Variants in VAV2 observed in about 807,000 individuals in gnomAD.
VAV2 encodes the protein vav guanine nucleotide exchange factor 2.
Under a neutral mutation model 132.5 loss-of-function variants are expected in VAV2, and 67 were observed. The ratio of observed to expected loss-of-function variants is 0.51; its 90% CI spans 0.42 to 0.62. The LOEUF is 0.62. VAV2 is among the 20% of genes least tolerant of loss of function. The probability of loss-of-function intolerance (pLI) is 0.00; values close to 1 mark genes in which losing one functional copy is unlikely to be tolerated. For missense variants in VAV2, 938 were observed against 1,153.6 expected (o/e 0.81, Z 2.71); for synonymous variants, 492 against 443.5 (o/e 1.11, Z -1.37).
intron 1 of VAV2, among the ~76,000 whole-genome samples, chr9:133,960,023 C>T (rs964182480): frequency 6.6e-6 from 1 of 152,234 alleles, no homozygotes; most frequent in Non-Finnish European, 1.5e-5. Flanking sequence ...CAGTGAGAGC[C>T]GGGAACACGG....
intron 3 of VAV2, among the ~76,000 whole-genome samples, chr9:133,836,964 A>T (rs116226660): frequency 0.011 from 1,659 of 152,272 alleles, 23 homozygotes; most frequent in African/African-American, 0.038. Context: ...TGGGACTCAG[A>T]CAGAACCCAC....
chr9:133,788,226 A>ACCCCCCCCCC lies in VAV2; in HGVS notation c.1407+127_1407+128insGGGGGGGGGG. 3 of 373,886 alleles carry ACCCCCCCCCC rather than the reference A, an allele frequency of 8.0e-6. No individual in the cohort carries two copies. The highest frequency in any genetic ancestry group is 1.6e-5 in the Non-Finnish European group (3 of 183,796). 23.2% of individuals were successfully genotyped at this position (373,886 alleles called of 1,614,324 possible). ...GCCTTCCTGCAGAGCGGAGACGCCC[A>ACCCCCCCCCC]CCCCAACCCACCCGGCCAGCATCAG... On this transcript the variant is annotated intron_variant, in intron 15 of 29. Transcript: ENST00000371850. This position sits in a 1 kb window ranked among gnomAD's most constrained non-coding sequence, Gnocchi z 5.3.
intron 3 of VAV2, among the ~76,000 whole-genome samples, chr9:133,837,757 G>A (rs1456956227): frequency 6.6e-6 from 1 of 150,962 alleles, no homozygotes; most frequent in Non-Finnish European, 1.5e-5. Context: ...CTTGAGCTAT[G>A]ATTGTCGTAA....
chr9:133,943,064 G>C (rs377486732), intron 1 of VAV2, among the ~76,000 whole-genome samples: 1 of 152,382 alleles, frequency 6.6e-6, no homozygotes, highest in South Asian at 2.1e-4. Context: ...GTGGGCACCT[G>C]ACCAGAGGGC....
intron 2 of VAV2, among the ~76,000 whole-genome samples, chr9:133,866,532 G>A (rs921516181): frequency 9.2e-5 from 14 of 152,050 alleles, no homozygotes; most frequent in African/African-American, 3.4e-4. Flanking sequence ...GGCCAGGCGC[G>A]GTGGCTCACG....
intron 1 of VAV2, among the ~76,000 whole-genome samples, chr9:133,980,216 G>A (rs1041843808): frequency 1.3e-5 from 2 of 152,190 alleles, no homozygotes; most frequent in East Asian, 1.9e-4. Flanking sequence ...CCGGTGGAGG[G>A]GGGAAGTGAA....
intron 1 of VAV2, among the ~76,000 whole-genome samples, chr9:133,944,759 G>C (rs1367776508): frequency 6.6e-6 from 1 of 152,274 alleles, no homozygotes; most frequent in African/African-American, 2.4e-5. Context: ...CGTCAAGGCA[G>C]GTGCCACACT....
chr9:133,851,829 ATGGATGCACAAATGGG>A (rs1837187622), intron 3 of VAV2, among the ~76,000 whole-genome samples: 1 of 150,290 alleles, frequency 6.7e-6, no homozygotes. Context: ...GGATGGATGG[ATGGATGCACAAATGGG>A]TGGATGGATG....
chr9:133,783,877 GTTTTTT>G (rs56069048), intron 18 of VAV2, among the ~76,000 whole-genome samples: 7 of 85,160 alleles, frequency 8.2e-5, no homozygotes. Flanking sequence ...TGGCTGGGCC[GTTTTTT>G]TTTTTTTTTT....
chr9:133,992,315 G>C lies in VAV2; in HGVS notation c.-37C>G, dbSNP rs761647218. ...GCCCGACCGGCTCAGGGCAGTGCTC[G>C]AGCCAAAGTGCAGCGGCCGCGGGGC... On this transcript the variant is annotated 5_prime_UTR_variant, in exon 1 of 30. Transcript: ENST00000371850. The surrounding 1 kb of genome is among the most constrained non-coding windows in gnomAD (Gnocchi z 5.5). 6.8e-5 allele frequency: 88 copies of C among 1,294,878 alleles called. No homozygotes were observed. The Middle Eastern group carries it at 1.7e-3, about 25-fold the overall frequency. 80.2% of individuals were successfully genotyped at this position (1,294,878 alleles called of 1,614,324 possible).
chr9:133,853,578 G>A (rs1026662864), intron 3 of VAV2, among the ~76,000 whole-genome samples: 10 of 152,072 alleles, frequency 6.6e-5, no homozygotes, highest in African/African-American at 1.2e-4. Context: ...ACGGCCAAGC[G>A]GAGTCTGCAT....
intron 2 of VAV2, among the ~76,000 whole-genome samples, chr9:133,898,054 G>A (rs1199837273): frequency 1.3e-5 from 2 of 151,778 alleles, no homozygotes; most frequent in Non-Finnish European, 2.9e-5. Context: ...TCCTACCAGG[G>A]AAGGCCACGA....
At chr9:133,960,971 G>A (rs750900029) in intron 1 of VAV2, among the ~76,000 whole-genome samples, 6 of 152,210 alleles carry the variant, frequency 3.9e-5, no homozygotes, top group South Asian at 2.1e-4. Context: ...GCAGGAGGGC[G>A]TGCTTGGAGA....
chr9:133,968,742 CCT>C (rs1303094798), intron 1 of VAV2, among the ~76,000 whole-genome samples: 1 of 152,200 alleles, frequency 6.6e-6, no homozygotes, highest in African/African-American at 2.4e-5. Flanking sequence ...ATGGCACTGT[CCT>C]CTGTCAGCCC....
intron 2 of VAV2, among the ~76,000 whole-genome samples, chr9:133,868,998 C>CTT (rs112644029): frequency 2.3e-4 from 33 of 142,370 alleles, no homozygotes; most frequent in South Asian, 1.1e-3. Flanking sequence ...TCTATTTATT[C>CTT]TTTTTTTTTT....
intron 1 of VAV2, among the ~76,000 whole-genome samples, chr9:133,981,674 T>C (rs112628278): frequency 0.021 from 3,260 of 152,094 alleles, 118 homozygotes; most frequent in African/African-American, 0.075. Context: ...GACAAGGAGG[T>C]TGAGCTCGAG....
intron 19 of VAV2, among the ~76,000 whole-genome samples, chr9:133,782,891 G>T (rs521418): frequency 0.52 from 78,648 of 152,008 alleles, 21,189 homozygotes; most frequent in African/African-American, 0.6. Flanking sequence ...CAACCCCAAA[G>T]GTATGCCCCC....
In VAV2 at chr9:133,816,782, C is replaced by G. The variant is rs143362523; in HGVS notation, c.450-4566G>C. ...AACCTTACCATTGGATTGCTTGGATCTCTGTCAGAAACCAATTGACCAAAT... is the reference window on the plus strand; with the variant it reads ...AACCTTACCATTGGATTGCTTGGATGTCTGTCAGAAACCAATTGACCAAAT... On this transcript the variant is annotated intron_variant, in intron 4 of 29. Coordinates refer to ENST00000371850, the MANE Select transcript of VAV2 (RefSeq NM_001134398.2). Among the ~76,000 whole-genome samples the G allele has an allele frequency of 7.8e-3, 1,186 of 152,326 alleles. 26 individuals are homozygous for G. The highest frequency in any genetic ancestry group is 0.044 in the Admixed American group (670 of 15,298).
chr9:133,813,800 C>T (rs1393057466), intron 4 of VAV2, among the ~76,000 whole-genome samples: 1 of 152,228 alleles, frequency 6.6e-6, no homozygotes, highest in African/African-American at 2.4e-5. Flanking sequence ...TGATCGAACC[C>T]TCCAACCAGC....
Sources: gnomAD v4.1 joint callset for allele counts (sites outside exome capture counted in the v4.1 genomes callset) on GRCh38, gnomAD v4.1.1 for gene constraint, Gnocchi (gnomAD v3.1) non-coding constraint, MANE v1.5 for transcripts, NCBI Gene and HGNC (gene_info 2026-07-23, HGNC 2026-07-21) for gene names.